Variants in CDKAL1 observed in about 807,000 individuals in gnomAD.
The protein encoded by CDKAL1 is threonylcarbamoyladenosine tRNA methylthiotransferase.
A neutral mutation model predicts 68.2 loss-of-function variants in CDKAL1; 32 were observed. The ratio of observed to expected loss-of-function variants is 0.47; its 90% CI spans 0.35 to 0.63. The LOEUF (loss-of-function observed/expected upper bound fraction) is 0.63. CDKAL1 is among the 30% of genes least tolerant of loss of function. The probability of loss-of-function intolerance (pLI) is 0.00; values close to 1 mark genes in which losing one functional copy is unlikely to be tolerated. For missense variants in CDKAL1, 606 were observed against 696.7 expected, an observed-to-expected ratio of 0.87 and a Z score of 1.47; for synonymous variants, 234 against 244.3, an observed-to-expected ratio of 0.96 and a Z score of 0.39.
At chr6:20,874,144 C>T (rs1760370834) in intron 9 of CDKAL1, among the ~76,000 whole-genome samples, 1 of 151,992 alleles carries the variant, frequency 6.6e-6, no homozygotes. Context: ...GCTAAAGCCC[C>T]ATAAAAGCTA....
chr6:20,641,372 C>G (rs1581877387), intron 4 of CDKAL1, among the ~76,000 whole-genome samples: 3 of 151,968 alleles, frequency 2.0e-5, no homozygotes, highest in Admixed American at 2.0e-4. Flanking sequence ...TTCATGTGTC[C>G]CTTCTCAGGA....
At chr6:21,220,464 C>T (rs1194349540) in intron 15 of CDKAL1, among the ~76,000 whole-genome samples, 3 of 152,184 alleles carry the variant, frequency 2.0e-5, no homozygotes, top group Non-Finnish European at 2.9e-5. Flanking sequence ...GGTGCCAGAT[C>T]TCTGATAGCA....
chr6:21,102,566 C>T (rs908089108), intron 12 of CDKAL1, among the ~76,000 whole-genome samples: 1 of 152,160 alleles, frequency 6.6e-6, no homozygotes, highest in Non-Finnish European at 1.5e-5. Context: ...CCTTGACTCT[C>T]AGTCATTTGT....
intron 9 of CDKAL1, among the ~76,000 whole-genome samples, chr6:20,851,949 AT>A (rs1759035931): frequency 6.6e-6 from 1 of 152,026 alleles, no homozygotes; most frequent in Non-Finnish European, 1.5e-5. Flanking sequence ...TCGACCCAAG[AT>A]TAAAAGGGGG....
chr6:20,975,801 T>C (rs2150763285), intron 10 of CDKAL1, among the ~76,000 whole-genome samples: 1 of 152,324 alleles, frequency 6.6e-6, no homozygotes, highest in South Asian at 2.1e-4. Context: ...TAAGAGAATT[T>C]AATTTACTTT....
chr6:21,138,243 G>GTA (rs1324756887), intron 13 of CDKAL1, among the ~76,000 whole-genome samples: 5 of 151,824 alleles, frequency 3.3e-5, no homozygotes, highest in Non-Finnish European at 7.4e-5. Context: ...GTGTCTGTGT[G>GTA]TGTGTGTGTG....
chr6:21,192,968 C>T (rs1778321070), intron 13 of CDKAL1, among the ~76,000 whole-genome samples: 1 of 152,000 alleles, frequency 6.6e-6, no homozygotes, highest in African/African-American at 2.4e-5. Flanking sequence ...AGGTGTGCGC[C>T]ACCACACCCT....
chr6:20,705,232 C>T (rs1562039879), intron 5 of CDKAL1, among the ~76,000 whole-genome samples: 1 of 152,076 alleles, frequency 6.6e-6, no homozygotes, highest in African/African-American at 2.4e-5. Flanking sequence ...TATGCTTTAG[C>T]AAAAGTAGAT....
At chr6:20,593,813 T>C (rs996090448) in intron 4 of CDKAL1, among the ~76,000 whole-genome samples, 1 of 152,360 alleles carries the variant, frequency 6.6e-6, no homozygotes, top group Non-Finnish European at 1.5e-5. Flanking sequence ...TGTGGGCATT[T>C]AGTGCTATAA....
In CDKAL1 at chr6:20,970,604, A is replaced by G. The variant is rs142825908; in HGVS notation, c.909+15019A>G. 3.2e-4 allele frequency among the ~76,000 whole-genome samples: 48 copies of G among 152,292 alleles called. No homozygotes were observed. The East Asian group carries it at 7.9e-3, about 25-fold the overall frequency. ...TTTTTGTGCTGCATGTCAAAGGTGC[A>G]TCAATCACTTATGGTGCTGTCTTCC... is the stretch of plus-strand genomic sequence containing the variant. On this transcript the variant is annotated intron_variant, in intron 10 of 15. Transcript: ENST00000274695.
intron 8 of CDKAL1, among the ~76,000 whole-genome samples, chr6:20,808,988 A>G (rs1220814856): frequency 6.6e-6 from 1 of 152,136 alleles, no homozygotes; most frequent in Non-Finnish European, 1.5e-5. Context: ...TAGCTATAAC[A>G]CTTGAAGTAA....
chr6:20,545,426 A>G (rs1763559305), intron 2 of CDKAL1, among the ~76,000 whole-genome samples: 1 of 151,948 alleles, frequency 6.6e-6, no homozygotes, highest in Non-Finnish European at 1.5e-5. Context: ...GCTTTTCAGT[A>G]TGTCTTAATC....
intron 5 of CDKAL1, among the ~76,000 whole-genome samples, chr6:20,738,746 G>A (rs997113922): frequency 2.0e-5 from 3 of 152,068 alleles, no homozygotes; most frequent in Non-Finnish European, 2.9e-5. Flanking sequence ...TGATCCTCCC[G>A]CCTTGGCCTC....
At chr6:21,159,485 C>T (rs996276171) in intron 13 of CDKAL1, among the ~76,000 whole-genome samples, 28 of 152,226 alleles carry the variant, frequency 1.8e-4, no homozygotes, top group African/African-American at 6.8e-4. Flanking sequence ...CACTACTCTT[C>T]ATATACATCA....
At chr6:20,631,738 C>G (rs1196976139) in intron 4 of CDKAL1, among the ~76,000 whole-genome samples, 1 of 152,118 alleles carries the variant, frequency 6.6e-6, no homozygotes, top group African/African-American at 2.4e-5. Flanking sequence ...GTCAGCCCTT[C>G]CGGATGAACC....
At chr6:21,049,817 CTTT>C (rs58277582) in intron 11 of CDKAL1, among the ~76,000 whole-genome samples, 1,437 of 137,130 alleles carry the variant, frequency 0.01, 24 homozygotes, top group African/African-American at 0.036. Context: ...GTCTCTCATC[CTTT>C]TTTTTTTTTT....
chr6:20,599,787 G>A (rs544563122), intron 4 of CDKAL1, among the ~76,000 whole-genome samples: 1 of 152,290 alleles, frequency 6.6e-6, no homozygotes, highest in African/African-American at 2.4e-5. Context: ...TGGTCATCTT[G>A]ATAGCTTAAG....
intron 15 of CDKAL1, among the ~76,000 whole-genome samples, chr6:21,230,408 C>G (rs62404550): frequency 6.6e-6 from 1 of 152,188 alleles, no homozygotes; most frequent in African/African-American, 2.4e-5. Flanking sequence ...GTGATCAGCC[C>G]GCCTTGGCCT....
chr6:20,870,781 A>G (rs182209302), intron 9 of CDKAL1, among the ~76,000 whole-genome samples: 216 of 152,314 alleles, frequency 1.4e-3, no homozygotes, highest in South Asian at 3.3e-3. Flanking sequence ...GAAAGTGTCA[A>G]TTGTTTCAAC....
Sources: allele counts gnomAD v4.1 joint callset (sites outside exome capture counted in the v4.1 genomes callset), GRCh38; gene constraint gnomAD v4.1.1; transcripts MANE v1.5; gene names NCBI Gene and HGNC (gene_info 2026-07-23, HGNC 2026-07-21).